Variants in GADL1 observed in about 807,000 individuals in gnomAD.
GADL1 encodes GAD like acidic amino acid decarboxylase 1, also known as acidic amino acid decarboxylase GADL1.
Under a neutral mutation model 69.5 loss-of-function variants are expected in GADL1, and 71 were observed. The observed-to-expected ratio is 1.02, with a 90% CI of 0.84 to 1.25. The LOEUF (loss-of-function observed/expected upper bound fraction) is 1.25, where lower values mean the gene tolerates loss of function less well. GADL1 is among the 50% of genes most tolerant of loss of function. The pLI is 0.00. For synonymous variants in GADL1, 254 were observed against 214.4 expected (o/e 1.18, Z -1.62); for missense variants, 737 against 631.8 (o/e 1.17, Z -1.79).
At chr3:30,798,587 A>G (rs1237943128) in intron 12 of GADL1, 2 of 152,092 alleles carry the variant, frequency 1.3e-5, no homozygotes, top group Non-Finnish European at 2.9e-5. Flanking sequence ...CACAGAGCCA[A>G]ACTATGTCAT....
At chr3:30,823,817 T>A (rs1697633896) in intron 11 of GADL1, among the ~76,000 whole-genome samples, 1 of 151,866 alleles carries the variant, frequency 6.6e-6, no homozygotes, top group African/African-American at 2.4e-5. Context: ...GTAAAAAGAA[T>A]CCATTAGAAA....
At chr3:30,885,411 C>T (rs62233367) in intron 1 of GADL1, among the ~76,000 whole-genome samples, 2,617 of 151,992 alleles carry the variant, frequency 0.017, 33 homozygotes, top group South Asian at 0.041. Context: ...AAAACCAAAC[C>T]AGATGGATAA....
intron 11 of GADL1, among the ~76,000 whole-genome samples, chr3:30,814,608 A>G (rs933274997): frequency 1.3e-5 from 2 of 152,176 alleles, no homozygotes; most frequent in Admixed American, 6.5e-5. Flanking sequence ...CAAGGGCCAT[A>G]ATTTTTAGAC....
At position 30,770,031 on chromosome 3, in the gene GADL1, TAAA is replaced by T. The variant is rs148924423; in HGVS notation, c.1392+8145_1392+8147del. On this transcript the variant is annotated intron_variant, in intron 14 of 14. Coordinates refer to ENST00000282538, the MANE Select transcript of GADL1 (RefSeq NM_207359.3). Reference sequence around the variant, plus strand: ...CATCTGTGTATTATCTAGCTTCTCTTAAAAATAAGACCCGGCAACCCTGGCCTG... The same window carrying T: ...CATCTGTGTATTATCTAGCTTCTCTTAATAAGACCCGGCAACCCTGGCCTG... Among the ~76,000 whole-genome samples the T allele has an allele frequency of 6.0e-3, 580 of 96,154 alleles. 4 individuals are homozygous for T. The highest frequency in any genetic ancestry group is 0.029 in the African/African-American group (559 of 19,212). 63.1% of individuals were successfully genotyped at this position (96,154 alleles called of 152,430 possible).
chr3:30,823,316 T>C (rs1697623326), intron 11 of GADL1, among the ~76,000 whole-genome samples: 1 of 151,792 alleles, frequency 6.6e-6, no homozygotes, highest in Non-Finnish European at 1.5e-5. Flanking sequence ...TGGAGTATTA[T>C]CACTTCTCAC....
intron 13 of GADL1, among the ~76,000 whole-genome samples, chr3:30,784,986 CTG>C (rs1370387405): frequency 2.0e-5 from 3 of 152,192 alleles, no homozygotes; most frequent in African/African-American, 7.2e-5. Flanking sequence ...GCCAGAATAT[CTG>C]TCCCTCAAAC....
chr3:30,842,286 G>A (rs547618670), intron 8 of GADL1, among the ~76,000 whole-genome samples: 23 of 152,148 alleles, frequency 1.5e-4, no homozygotes, highest in East Asian at 5.8e-4. Context: ...AAGCAAGTAC[G>A]TATCCTTCAT....
rs78263386 is a variant in GADL1, at chr3:30,778,462, G to A, written c.1303-194C>T. On this transcript the variant is annotated intron_variant, in intron 13 of 14. Coordinates refer to ENST00000282538, the MANE Select transcript of GADL1 (RefSeq NM_207359.3). ...ATTTAAAAATTTTCTACTCCATAGC[G>A]TGCACCTAGCAGGTTCTCTTTCATC... 2.6e-3 allele frequency among the ~76,000 whole-genome samples: 391 copies of A among 152,088 alleles called. 1 individual carries two copies. The highest frequency in any genetic ancestry group is 8.7e-3 in the African/African-American group (362 of 41,480).
At chr3:30,859,396 T>G (rs1015006688) in intron 2 of GADL1, among the ~76,000 whole-genome samples, 1 of 151,888 alleles carries the variant, frequency 6.6e-6, no homozygotes, top group Non-Finnish European at 1.5e-5. Flanking sequence ...TGCATTTTGT[T>G]GAGGGTAAAC....
chr3:30,743,726 T>C (rs1381617722), intron 14 of GADL1, among the ~76,000 whole-genome samples: 3 of 152,216 alleles, frequency 2.0e-5, no homozygotes, highest in Non-Finnish European at 4.4e-5. Context: ...TTATTGCCTG[T>C]TAAAAATAAA....
At chr3:30,773,970 AGTAC>A (rs1304529249) in intron 14 of GADL1, among the ~76,000 whole-genome samples, 2 of 152,200 alleles carry the variant, frequency 1.3e-5, no homozygotes, top group East Asian at 1.9e-4. Flanking sequence ...AAAGATATCC[AGTAC>A]CCAATTTCCA....
intron 1 of GADL1, among the ~76,000 whole-genome samples, chr3:30,878,892 CATGAT>C (rs1698609927): frequency 4.0e-5 from 6 of 151,894 alleles, no homozygotes; most frequent in Admixed American, 3.3e-4. Context: ...CTGGTTAAAA[CATGAT>C]ATATAGTAAG....
chr3:30,746,199 G>C (rs1212588159), intron 14 of GADL1, among the ~76,000 whole-genome samples: 1 of 152,046 alleles, frequency 6.6e-6, no homozygotes, highest in Non-Finnish European at 1.5e-5. Context: ...ATGTTCACCA[G>C]GCTGGTTCGA....
At chr3:30,784,228 C>G (rs1190124723) in intron 13 of GADL1, among the ~76,000 whole-genome samples, 1 of 152,096 alleles carries the variant, frequency 6.6e-6, no homozygotes, top group Non-Finnish European at 1.5e-5. Context: ...TCAAAACTCC[C>G]CAACTGTTAC....
At chr3:30,842,822 T>A (rs11721207) in intron 8 of GADL1, among the ~76,000 whole-genome samples, 25,183 of 103,812 alleles carry the variant, frequency 0.24, 3,182 homozygotes, top group South Asian at 0.4. Context: ...TTGGAATGTT[T>A]AAAAAAAAAA....
intron 14 of GADL1, among the ~76,000 whole-genome samples, chr3:30,757,006 A>G (rs1348182013): frequency 3.9e-5 from 6 of 152,148 alleles, no homozygotes; most frequent in Non-Finnish European, 8.8e-5. Context: ...TTGAGAATCA[A>G]TGACAGCTGT....
chr3:30,790,430 C>T (rs1696891249), intron 12 of GADL1, among the ~76,000 whole-genome samples: 2 of 152,148 alleles, frequency 1.3e-5, no homozygotes, highest in Admixed American at 6.6e-5. Flanking sequence ...GGGAAAATGG[C>T]ACTTGATAGA....
intron 13 of GADL1, among the ~76,000 whole-genome samples, chr3:30,782,412 A>T (rs1294649111): frequency 6.6e-6 from 1 of 152,020 alleles, no homozygotes; most frequent in African/African-American, 2.4e-5. Flanking sequence ...CTTAGCGGGG[A>T]AGAAAAGGAG....
chr3:30,800,743 CAT>C (rs1697141077), intron 12 of GADL1, 144 bp downstream of exon 12: 3 of 669,336 alleles, frequency 4.5e-6, no homozygotes, highest in Non-Finnish European at 7.6e-6. Flanking sequence ...CAAATGAAAA[CAT>C]GTACTTGCAA....
Sources: allele counts gnomAD v4.1 joint callset (sites outside exome capture counted in the v4.1 genomes callset), GRCh38; gene constraint gnomAD v4.1.1; transcripts MANE v1.5; gene names NCBI Gene and HGNC (gene_info 2026-07-23, HGNC 2026-07-21).